PCCB: variants seen among roughly 807,000 people sequenced by gnomAD.
PCCB encodes the protein propionyl-CoA carboxylase beta chain, mitochondrial.
PCCB carries 43 observed loss-of-function variants against 60.7 expected under a neutral mutation model. The observed-to-expected ratio is 0.71, with a 90% CI of 0.55 to 0.91. PCCB has a LOEUF of 0.91. PCCB is among the 40% of genes least tolerant of loss of function. The probability of loss-of-function intolerance (pLI) is 0.00; values close to 1 mark genes in which losing one functional copy is unlikely to be tolerated. For synonymous variants in PCCB, 276 were observed against 255.9 expected (o/e 1.08, Z -0.75); for missense variants, 766 against 702.8 (o/e 1.09, Z -1.02).
intron 10 of PCCB, among the ~76,000 whole-genome samples, chr3:136,323,348 G>A (rs1337110724): frequency 6.6e-6 from 1 of 151,866 alleles, no homozygotes; most frequent in Non-Finnish European, 1.5e-5. Flanking sequence ...TCTTTCTTCT[G>A]CCTGCTCAAA....
intron 9 of PCCB, among the ~76,000 whole-genome samples, chr3:136,316,339 A>G (rs1297978962): frequency 3.3e-5 from 5 of 152,112 alleles, no homozygotes; most frequent in Admixed American, 6.6e-5. Context: ...TTTTTGAGAT[A>G]GGATCTCCCT....
Position 136,250,400 on chromosome 3 carries a change from G to A in PCCB, c.25G>A (p.Ala9Thr), listed in dbSNP as rs1941476162. ...AATGGCGGCGGCATTACGGGTGGCG[G>A]CGGTCGGGGCAAGGCTCAGCGTTCT... MAAALRVAAVGARLSVLAS... is the reference protein window; with the variant it reads MAAALRVATVGARLSVLAS... The change falls in exon 1 of 15, where the codon GCG becomes ACG. Residue 9 changes from alanine to threonine, a missense_variant. Coordinates refer to ENST00000251654, the MANE Select transcript of PCCB (RefSeq NM_000532.5). The A allele has an allele frequency of 1.9e-6, 3 of 1,541,922 alleles. No individual in the cohort carries two copies. The South Asian group carries it at 3.6e-5, about 19-fold the overall frequency.
chr3:136,273,758 A>G (rs952528394), intron 5 of PCCB, among the ~76,000 whole-genome samples: 17 of 150,172 alleles, frequency 1.1e-4, no homozygotes, highest in Non-Finnish European at 1.8e-4. Flanking sequence ...TGAAAATACA[A>G]AAAATTAGCC....
chr3:136,284,616 TGAGGA>T (rs1560010852), intron 6 of PCCB, among the ~76,000 whole-genome samples: 2 of 152,046 alleles, frequency 1.3e-5, no homozygotes, highest in Non-Finnish European at 2.9e-5. Context: ...CCATCCAACT[TGAGGA>T]GAGGAGTTCT....
At chr3:136,255,505 C>T (rs942621110) in intron 1 of PCCB, 4 of 323,584 alleles carry the variant, frequency 1.2e-5, no homozygotes, top group South Asian at 2.8e-5. Flanking sequence ...CCTGCTTCTG[C>T]ATTCTTTTTA....
intron 6 of PCCB, among the ~76,000 whole-genome samples, chr3:136,285,832 A>G (rs1300299188): frequency 2.0e-5 from 3 of 152,344 alleles, no homozygotes; most frequent in East Asian, 1.9e-4. Context: ...TAATAATTGC[A>G]TATTAGTGAG....
At chr3:136,301,568 C>CT (rs1468863934) in intron 9 of PCCB, among the ~76,000 whole-genome samples, 2 of 151,868 alleles carry the variant, frequency 1.3e-5, no homozygotes, top group Non-Finnish European at 2.9e-5. Context: ...CCATTTGTAC[C>CT]TTTTTTTGGT....
chr3:136,319,252 TTG>T (rs548923625), intron 10 of PCCB, among the ~76,000 whole-genome samples: 36 of 152,304 alleles, frequency 2.4e-4, no homozygotes, highest in African/African-American at 8.7e-4. Flanking sequence ...TTTTTTAATT[TTG>T]TGTGTTTTTT....
rs754807564 is a variant in PCCB, at chr3:136,301,108, C to T, written c.963C>T (p.His321=). The T allele has an allele frequency of 1.2e-6, 2 of 1,610,886 alleles. No homozygotes were observed. Among genetic ancestry groups the T allele is most frequent in the Non-Finnish European group, 1.7e-6 (2 of 1,176,938 alleles). Residue 321 remains histidine (H), a synonymous_variant, in exon 9 of 15, where the codon CAC becomes CAT. Transcript: ENST00000251654. ...TKAYNMVDII[H]SVVDEREFFE... ...CCTACAACATGGTGGACATCATACA[C>T]TCTGTAAGTGCCACATCTGTTTGTC... is the stretch of plus-strand genomic sequence containing the variant.
chr3:136,276,352 C>T (rs1037773152), intron 5 of PCCB, among the ~76,000 whole-genome samples: 3 of 152,144 alleles, frequency 2.0e-5, no homozygotes, highest in African/African-American at 7.2e-5. Context: ...GCTGGGGGAA[C>T]TCTCAATTAG....
At chr3:136,257,164 A>C (rs1941693206) in intron 3 of PCCB, among the ~76,000 whole-genome samples, 1 of 152,210 alleles carries the variant, frequency 6.6e-6, no homozygotes, top group Non-Finnish European at 1.5e-5. Flanking sequence ...CTGGCCTTGC[A>C]ATAGGGAGAG....
intron 14 of PCCB, among the ~76,000 whole-genome samples, chr3:136,329,626 A>G (rs530807201): frequency 6.6e-6 from 1 of 152,286 alleles, no homozygotes; most frequent in Non-Finnish European, 1.5e-5. Flanking sequence ...TATTGAATTC[A>G]TTGTGGCAGG....
chr3:136,252,097 G>A (rs1349494731), intron 1 of PCCB, among the ~76,000 whole-genome samples: 1 of 151,818 alleles, frequency 6.6e-6, no homozygotes, highest in Non-Finnish European at 1.5e-5. Context: ...GGCCAGGCCG[G>A]TCTTGTACGC....
At chr3:136,317,288 C>A (rs956280985) in intron 10 of PCCB, among the ~76,000 whole-genome samples, 1 of 120,956 alleles carries the variant, frequency 8.3e-6, no homozygotes, top group African/African-American at 3.1e-5. Flanking sequence ...GTGGTGTGAT[C>A]TCAGCACACT....
intron 8 of PCCB, among the ~76,000 whole-genome samples, chr3:136,300,406 G>A (rs564987865): frequency 2.6e-5 from 4 of 152,312 alleles, no homozygotes; most frequent in African/African-American, 9.6e-5. Flanking sequence ...TTGGAGAGGG[G>A]CAAGTTGCTG....
intron 5 of PCCB, among the ~76,000 whole-genome samples, chr3:136,274,754 C>A (rs917163030): frequency 2.0e-5 from 3 of 152,068 alleles, no homozygotes. Context: ...CTCAGGACCA[C>A]CAAGTATTTT....
chr3:136,266,132 T>G (rs1261763837), intron 5 of PCCB, among the ~76,000 whole-genome samples: 1 of 134,588 alleles, frequency 7.4e-6, no homozygotes, highest in East Asian at 2.5e-4. Context: ...CCAGCCTTGG[T>G]TTTTTTTTTT....
At chr3:136,257,968 A>G (rs1319977800) in intron 3 of PCCB, among the ~76,000 whole-genome samples, 1 of 152,198 alleles carries the variant, frequency 6.6e-6, no homozygotes, top group East Asian at 1.9e-4. Flanking sequence ...TACTTGGTTA[A>G]TTTAAAATCT....
chr3:136,284,029 A>G (rs1933228515), intron 6 of PCCB, 82 bp downstream of exon 6: 1 of 881,342 alleles, frequency 1.1e-6, no homozygotes, highest in Non-Finnish European at 1.9e-6. Flanking sequence ...CCTGACCCAG[A>G]TCTAGGTTGT....
Sources: gnomAD v4.1 joint callset for allele counts (sites outside exome capture counted in the v4.1 genomes callset) on GRCh38, gnomAD v4.1.1 for gene constraint, MANE v1.5 for transcripts, NCBI Gene and HGNC (gene_info 2026-07-23, HGNC 2026-07-21) for gene names.